The following TMEM178B variants were observed in gnomAD, a reference collection of about 807,000 sequenced individuals.
TMEM178B encodes transmembrane protein 178B.
A neutral mutation model predicts 31.0 loss-of-function variants in TMEM178B; 5 were observed. The observed-to-expected ratio is 0.16, with a 90% confidence interval of 0.08 to 0.34. The LOEUF is 0.34. TMEM178B is among the 10% of genes least tolerant of loss of function. The pLI is 1.00. For synonymous variants in TMEM178B, 164 were observed against 164.0 expected (o/e 1.00, Z 0.00); for missense variants, 275 against 400.3 (o/e 0.69, Z 2.67).
At chr7:141,268,147 C>A (rs1290776669) in intron 2 of TMEM178B, among the ~76,000 whole-genome samples, 1 of 152,200 alleles carries the variant, frequency 6.6e-6, no homozygotes. Flanking sequence ...TAAACTCGCA[C>A]TAACTTGCAA....
intron 1 of TMEM178B, among the ~76,000 whole-genome samples, chr7:141,187,081 TCCCTCCC>T (rs1314931723): frequency 8.8e-6 from 1 of 114,084 alleles, no homozygotes; most frequent in Non-Finnish European, 1.8e-5. Flanking sequence ...CCTAATGCTA[TCCCTCCC>T]CCCTCCCCCC....
intron 2 of TMEM178B, among the ~76,000 whole-genome samples, chr7:141,368,208 A>G (rs1347332481): frequency 1.3e-5 from 2 of 152,118 alleles, no homozygotes; most frequent in Non-Finnish European, 2.9e-5. Context: ...AATCTCAGCT[A>G]CTCAGGAGGC....
At chr7:141,113,791 G>A (rs1795273810) in intron 1 of TMEM178B, among the ~76,000 whole-genome samples, 1 of 152,180 alleles carries the variant, frequency 6.6e-6, no homozygotes, top group Non-Finnish European at 1.5e-5. Context: ...AATGTCTGTA[G>A]AATTGAGTTG....
At chr7:141,502,540 GGCA>G in the TMEM178B span, among the ~76,000 whole-genome samples, 1 of 152,200 alleles carries the variant, frequency 6.6e-6, no homozygotes, top group Non-Finnish European at 1.5e-5. Flanking sequence ...GGGAGGCAAA[GGCA>G]GCTGATCACC....
intron 3 of TMEM178B, among the ~76,000 whole-genome samples, chr7:141,448,555 T>C (rs1223797257): frequency 1.3e-5 from 2 of 152,132 alleles, no homozygotes; most frequent in African/African-American, 4.8e-5. Context: ...CACAGGACAG[T>C]CCCAGAAGTG....
intron 2 of TMEM178B, among the ~76,000 whole-genome samples, chr7:141,396,855 G>A (rs1056013168): frequency 3.3e-5 from 5 of 152,222 alleles, no homozygotes; most frequent in African/African-American, 1.2e-4. Flanking sequence ...AACAGTCGCT[G>A]AGGGTTGGGG....
At chr7:141,181,861 A>G (rs1796535189) in intron 1 of TMEM178B, among the ~76,000 whole-genome samples, 1 of 152,140 alleles carries the variant, frequency 6.6e-6, no homozygotes, top group Non-Finnish European at 1.5e-5. Context: ...TTATGGTGCT[A>G]CTGGCTGCCC....
At chr7:141,342,005 T>C (rs1252691339) in intron 2 of TMEM178B, among the ~76,000 whole-genome samples, 2 of 152,222 alleles carry the variant, frequency 1.3e-5, no homozygotes, top group Non-Finnish European at 2.9e-5. Context: ...CGGAGTGCAG[T>C]AGTGTGATCT....
At chr7:141,419,831 G>GT (rs1801170274) in intron 2 of TMEM178B, among the ~76,000 whole-genome samples, 1 of 152,136 alleles carries the variant, frequency 6.6e-6, no homozygotes, top group South Asian at 2.1e-4. Context: ...GTATATCTTT[G>GT]TTTCTAACAG....
intron 2 of TMEM178B, among the ~76,000 whole-genome samples, chr7:141,288,415 GT>G (rs1213662143): frequency 2.7e-5 from 4 of 149,936 alleles, no homozygotes; most frequent in African/African-American, 9.8e-5. Flanking sequence ...TGCAGCTTCA[GT>G]TTTTCCTGCT....
intron 2 of TMEM178B, among the ~76,000 whole-genome samples, chr7:141,420,411 G>A (rs1431353216): frequency 1.3e-5 from 2 of 152,194 alleles, no homozygotes; most frequent in East Asian, 3.9e-4. Flanking sequence ...TCAAGTGAGA[G>A]GTAAGATACT....
intron 2 of TMEM178B, among the ~76,000 whole-genome samples, chr7:141,296,708 C>T (rs1798640644): frequency 6.6e-6 from 1 of 152,224 alleles, no homozygotes; most frequent in African/African-American, 2.4e-5. Flanking sequence ...ACCCTTCACT[C>T]AGTTTCCCCC....
At chr7:141,441,365 C>T (rs1189515503) in intron 3 of TMEM178B, among the ~76,000 whole-genome samples, 1 of 152,164 alleles carries the variant, frequency 6.6e-6, no homozygotes, top group Admixed American at 6.5e-5. Context: ...GAGAGTAAGC[C>T]ACCTGTGACA....
At chr7:141,111,343 C>T (rs1795232429) in intron 1 of TMEM178B, among the ~76,000 whole-genome samples, 1 of 152,168 alleles carries the variant, frequency 6.6e-6, no homozygotes, top group Non-Finnish European at 1.5e-5. Context: ...CTGGGTCCCT[C>T]CCATGACACT....
chr7:141,262,291 T>C (rs1798024963), intron 2 of TMEM178B, among the ~76,000 whole-genome samples: 1 of 152,102 alleles, frequency 6.6e-6, no homozygotes, highest in Admixed American at 6.6e-5. Context: ...TTTGGTGCTC[T>C]CTTTCTCCCT....
chr7:141,387,651 A>C (rs903643245), intron 2 of TMEM178B, among the ~76,000 whole-genome samples: 2 of 152,162 alleles, frequency 1.3e-5, no homozygotes, highest in African/African-American at 4.8e-5. Flanking sequence ...TAAAGGAGGA[A>C]GCGCTCAGCC....
intron 2 of TMEM178B, among the ~76,000 whole-genome samples, chr7:141,394,823 T>C (rs1800608669): frequency 6.6e-6 from 1 of 152,238 alleles, no homozygotes; most frequent in African/African-American, 2.4e-5. Flanking sequence ...TTTTTATATA[T>C]ATTTTTTCTC....
intron 2 of TMEM178B, among the ~76,000 whole-genome samples, chr7:141,321,908 A>G (rs961488237): frequency 6.6e-6 from 1 of 151,992 alleles, no homozygotes; most frequent in African/African-American, 2.4e-5. Flanking sequence ...TTGTATTCAA[A>G]CAGATATAGA....
At position 141,212,670 on chromosome 7, in the gene TMEM178B, G is replaced by A. The variant is rs538861769; in HGVS notation, c.462G>A (p.Thr154=). 1.2e-5 allele frequency: 19 copies of A among 1,536,008 alleles called. No homozygotes were observed. The South Asian group carries it at 1.5e-4, about 13-fold the overall frequency. ...TIPRNLTFNI[T]KTIRQDEWHA... Reference sequence around the variant, plus strand: ...CCAGGAACCTCACTTTCAATATCACGAAGACCATCCGTCAGGATGAGTGGC... The same window carrying A: ...CCAGGAACCTCACTTTCAATATCACAAAGACCATCCGTCAGGATGAGTGGC... The change falls in exon 2 of 4, where the codon ACG becomes ACA. Residue 154 remains threonine, a synonymous_variant. Coordinates refer to ENST00000565468, the MANE Select transcript of TMEM178B (RefSeq NM_001195278.2).
Sources: allele counts gnomAD v4.1 joint callset (sites outside exome capture counted in the v4.1 genomes callset), GRCh38; gene constraint gnomAD v4.1.1; transcripts MANE v1.5; gene names NCBI Gene and HGNC (gene_info 2026-07-23, HGNC 2026-07-21).